MPZL1: variants seen among roughly 807,000 people sequenced by gnomAD.
MPZL1 encodes the protein myelin protein zero-like protein 1.
Under a neutral mutation model 29.3 loss-of-function variants are expected in MPZL1, and 16 were observed. The observed-to-expected ratio is 0.55, with a 90% CI of 0.37 to 0.83. The LOEUF (loss-of-function observed/expected upper bound fraction) is 0.83. MPZL1 is among the 40% of genes least tolerant of loss of function. The pLI, the probability that MPZL1 is intolerant of heterozygous loss-of-function variation, is 0.00. For synonymous variants in MPZL1, 143 were observed against 132.0 expected, an observed-to-expected ratio of 1.08 and a Z score of -0.57; for missense variants, 279 against 332.9, an observed-to-expected ratio of 0.84 and a Z score of 1.26.
chr1:167,762,380 G>A (rs997474226), intron 1 of MPZL1, among the ~76,000 whole-genome samples: 3 of 152,192 alleles, frequency 2.0e-5, no homozygotes, highest in Admixed American at 2.0e-4. Flanking sequence ...AATGAACTGC[G>A]AATTGGGCAG....
intron 1 of MPZL1, among the ~76,000 whole-genome samples, chr1:167,761,370 G>T (rs1660984067): frequency 6.6e-6 from 1 of 152,180 alleles, no homozygotes. Flanking sequence ...AATGTCCTTA[G>T]GTAGGCAAGA....
chr1:167,726,955 T>C (rs559374982), intron 1 of MPZL1, among the ~76,000 whole-genome samples: 2 of 152,308 alleles, frequency 1.3e-5, no homozygotes, highest in South Asian at 4.1e-4. Flanking sequence ...AAACATCTAC[T>C]CAAATAAATA....
intron 1 of MPZL1, among the ~76,000 whole-genome samples, chr1:167,761,785 G>A (rs1660993719): frequency 6.6e-6 from 1 of 152,204 alleles, no homozygotes. Context: ...AGCCACCCTG[G>A]TGGAGATGCA....
chr1:167,735,039 A>G (rs551339520), intron 1 of MPZL1, among the ~76,000 whole-genome samples: 2 of 152,234 alleles, frequency 1.3e-5, no homozygotes, highest in Non-Finnish European at 1.5e-5. Context: ...CAGCAATTTC[A>G]GCTCTATGGC....
intron 1 of MPZL1, among the ~76,000 whole-genome samples, chr1:167,753,687 C>T (rs1325626219): frequency 6.6e-6 from 1 of 151,446 alleles, no homozygotes; most frequent in Non-Finnish European, 1.5e-5. Flanking sequence ...TGGAGTGCAG[C>T]GGTGCGATCT....
Position 167,787,832 on chromosome 1 carries a change from T to C in MPZL1, c.721T>C (p.Tyr241His), listed in dbSNP as rs1176113607. The change falls in exon 6 of 6, where the codon TAT (tyrosine) becomes CAT (histidine). Residue 241 changes from tyrosine (Y) to histidine (H), a missense_variant. By Grantham distance (83) the Tyr-to-His change is moderately conservative (BLOSUM62 2). Coordinates refer to ENST00000359523, the MANE Select transcript of MPZL1 (RefSeq NM_003953.6). ...TTCCCTTTTCCAGGGCCCAGTCATA[T>C]ATGCACAGTTAGACCACTCCGGCGG... ...PSGSHQGPVI[Y>H]AQLDHSGGHH... 2 of 1,613,112 alleles carry C rather than the reference T, an allele frequency of 1.2e-6. No homozygotes were observed. Among genetic ancestry groups the C allele is most frequent in the Non-Finnish European group, 1.7e-6 (2 of 1,179,036 alleles).
chr1:167,770,923 A>G (rs1340550617), intron 2 of MPZL1, among the ~76,000 whole-genome samples: 1 of 151,982 alleles, frequency 6.6e-6, no homozygotes, highest in Non-Finnish European at 1.5e-5. Context: ...GAAACCTGGC[A>G]GGGTTGAGTG....
chr1:167,765,633 G>C lies in MPZL1; in HGVS notation c.142G>C (p.Val48Leu). ...AGTATATACGCCAAAAGAAATCTTC[G>C]TGGCAAATGGTACACAAGGGAAGCT... ...LEVYTPKEIF[V>L]ANGTQGKLTC... Residue 48 changes from valine to leucine, a missense_variant, in exon 2 of 6, where the codon GTG becomes CTG. Transcript: ENST00000359523. 6.2e-7 allele frequency: 1 copy of C among 1,612,886 alleles called. No homozygotes were observed. The highest frequency in any genetic ancestry group is 8.5e-7 in the Non-Finnish European group (1 of 1,179,444).
rs767761846 is a variant in MPZL1, at chr1:167,776,162, A to T, written c.704A>T (p.His235Leu). Residue 235 changes from histidine (H) to leucine (L), a missense_variant, in exon 5 of 6, where the codon CAC (histidine) becomes CTC (leucine). Transcript: ENST00000359523. ...GLVKSLPSGS[H>L]QGPVIYAQLD... The stretch of plus-strand genomic sequence containing the variant: ...GTAAAGAGTCTGCCTTCTGGATCTC[A>T]CCAGGTAATGGCTGATTGCGATTCT... 1.9e-6 allele frequency: 3 copies of T among 1,610,000 alleles called. No individual in the cohort carries two copies. Among genetic ancestry groups the T allele is most frequent in the Non-Finnish European group, 2.5e-6 (3 of 1,177,038 alleles).
intron 1 of MPZL1, among the ~76,000 whole-genome samples, chr1:167,745,935 T>TA (rs948061060): frequency 6.6e-6 from 1 of 152,130 alleles, no homozygotes; most frequent in Non-Finnish European, 1.5e-5. Flanking sequence ...GGATATGCCT[T>TA]ACAATTGTTG....
chr1:167,776,604 A>G (rs1217424403), intron 5 of MPZL1, among the ~76,000 whole-genome samples: 1 of 152,204 alleles, frequency 6.6e-6, no homozygotes, highest in African/African-American at 2.4e-5. Context: ...TTTTCTGTGG[A>G]TTCTTTAGAA....
At chr1:167,724,434 G>A (rs961323383) in intron 1 of MPZL1, among the ~76,000 whole-genome samples, 2 of 152,190 alleles carry the variant, frequency 1.3e-5, no homozygotes, top group African/African-American at 4.8e-5. Context: ...AGAAGGCAGA[G>A]GACTATTGTA....
intron 5 of MPZL1, among the ~76,000 whole-genome samples, chr1:167,776,909 T>C (rs1661379304): frequency 6.6e-6 from 1 of 152,152 alleles, no homozygotes; most frequent in South Asian, 2.1e-4. Flanking sequence ...TAAGAGGAAA[T>C]AAAGAGAGTA....
At chr1:167,772,601 A>G in intron 3 of MPZL1, 113 bp downstream of exon 3, 1 of 944,088 alleles carries the variant, frequency 1.1e-6, no homozygotes, top group Admixed American at 2.6e-5. Flanking sequence ...TTTGCCATAC[A>G]GTTGTGCTCC....
chr1:167,750,358 C>A (rs1040900002), intron 1 of MPZL1, among the ~76,000 whole-genome samples: 1 of 151,984 alleles, frequency 6.6e-6, no homozygotes, highest in Non-Finnish European at 1.5e-5. Context: ...ATGCTACCAA[C>A]GCCCAGCTAA....
At chr1:167,743,389 G>A (rs538987665) in intron 1 of MPZL1, among the ~76,000 whole-genome samples, 2 of 151,966 alleles carry the variant, frequency 1.3e-5, no homozygotes, top group East Asian at 1.9e-4. Flanking sequence ...TGTATTTTTA[G>A]TAGAGACGGG....
intron 1 of MPZL1, among the ~76,000 whole-genome samples, chr1:167,757,163 G>C (rs1402313033): frequency 6.6e-6 from 1 of 152,176 alleles, no homozygotes; most frequent in Non-Finnish European, 1.5e-5. Context: ...TTCAGCTGCA[G>C]GGTGGCCCTG....
intron 1 of MPZL1, among the ~76,000 whole-genome samples, chr1:167,729,073 C>T (rs1213958014): frequency 6.6e-6 from 1 of 151,770 alleles, no homozygotes; most frequent in Non-Finnish European, 1.5e-5. Context: ...CAAGACCAGC[C>T]TGGACAACAT....
intron 1 of MPZL1, among the ~76,000 whole-genome samples, chr1:167,761,318 G>C (rs1660982599): frequency 6.6e-6 from 1 of 152,186 alleles, no homozygotes; most frequent in African/African-American, 2.4e-5. Context: ...TAATTCAGTA[G>C]TGAGTGAAAA....
Sources: allele counts gnomAD v4.1 joint callset (sites outside exome capture counted in the v4.1 genomes callset), GRCh38; gene constraint gnomAD v4.1.1; transcripts MANE v1.5; gene names NCBI Gene and HGNC (gene_info 2026-07-23, HGNC 2026-07-21).